Variants in DLGAP1 observed in about 807,000 individuals in gnomAD.
The protein encoded by DLGAP1 is DLG associated protein 1.
Under a neutral mutation model 90.8 loss-of-function variants are expected in DLGAP1, and 11 were observed. The observed-to-expected ratio is 0.12, with a 90% CI of 0.08 to 0.20. The LOEUF (loss-of-function observed/expected upper bound fraction) is 0.20, where lower values mean the gene tolerates loss of function less well. Among genes scored for constraint, DLGAP1 ranks in the 10% least tolerant of loss-of-function variants. DLGAP1 has a pLI of 1.00. For missense variants in DLGAP1, 1,050 were observed against 1,333.8 expected, an observed-to-expected ratio of 0.79 and a Z score of 3.31; for synonymous variants, 558 against 540.7, an observed-to-expected ratio of 1.03 and a Z score of -0.44.
chr18:3,819,796 T>C (rs1285564317), intron 4 of DLGAP1, among the ~76,000 whole-genome samples: 4 of 152,220 alleles, frequency 2.6e-5, no homozygotes, highest in Non-Finnish European at 4.4e-5. Context: ...TCTTTTGACA[T>C]GTCTTTTGGG....
rs139780710 is a variant in DLGAP1, at chr18:4,345,346, T to C, written c.-267+109660A>G. Among the ~76,000 whole-genome samples the C allele has an allele frequency of 1.3e-3, 200 of 152,276 alleles. 1 individual carries two copies. Among genetic ancestry groups the C allele is most frequent in the African/African-American group, 4.5e-3 (185 of 41,552 alleles). ...ATCCTGACTAGAGTAAAACTGGCAA[T>C]GTAATATCTTGGAACAGAAGACTTT... On this transcript the variant is annotated intron_variant, in intron 1 of 12. Coordinates refer to ENST00000315677, the MANE Select transcript of DLGAP1 (RefSeq NM_004746.4).
intron 9 of DLGAP1, among the ~76,000 whole-genome samples, chr18:3,538,654 G>A (rs1285798280): frequency 6.6e-6 from 1 of 152,132 alleles, no homozygotes; most frequent in Non-Finnish European, 1.5e-5. Flanking sequence ...TGGCTGTTCT[G>A]CTAACATGAA....
chr18:4,164,523 T>C (rs1206051295), intron 1 of DLGAP1, among the ~76,000 whole-genome samples: 5 of 151,800 alleles, frequency 3.3e-5, no homozygotes, highest in Non-Finnish European at 7.4e-5. Flanking sequence ...CTACTAAAAA[T>C]ACAAAAATTA....
chr18:4,433,022 C>G (rs949857709), intron 1 of DLGAP1, among the ~76,000 whole-genome samples: 1 of 152,162 alleles, frequency 6.6e-6, no homozygotes, highest in African/African-American at 2.4e-5. Context: ...TTTTCAGCAG[C>G]CACATAAAGT....
intron 2 of DLGAP1, among the ~76,000 whole-genome samples, chr18:4,077,774 T>C (rs1036358095): frequency 5.9e-5 from 9 of 152,204 alleles, no homozygotes; most frequent in Non-Finnish European, 1.2e-4. Flanking sequence ...GATTCCTTTA[T>C]AGCAACACCA....
chr18:3,813,977 T>C, intron 5 of DLGAP1, 82 bp downstream of exon 5: 1 of 1,401,546 alleles, frequency 7.1e-7, no homozygotes, highest in East Asian at 2.3e-5. Context: ...CTGCCCCACT[T>C]ACTCTAGGAG....
chr18:3,591,946 T>G (rs1227035034), intron 7 of DLGAP1, among the ~76,000 whole-genome samples: 1 of 152,122 alleles, frequency 6.6e-6, no homozygotes, highest in African/African-American at 2.4e-5. Flanking sequence ...CCCCTGGACC[T>G]GTTCAAGCAC....
intron 7 of DLGAP1, among the ~76,000 whole-genome samples, chr18:3,707,191 G>A (rs2061461194): frequency 6.6e-6 from 1 of 152,132 alleles, no homozygotes; most frequent in African/African-American, 2.4e-5. Flanking sequence ...ACTCTTGCAA[G>A]TTCTCTCATT....
chr18:4,269,542 G>A (rs2079220581), intron 1 of DLGAP1, among the ~76,000 whole-genome samples: 1 of 151,622 alleles, frequency 6.6e-6, no homozygotes, highest in Non-Finnish European at 1.5e-5. Context: ...TTTTAGTAGA[G>A]ACGGGGTTTC....
chr18:3,627,709 G>GCA (rs1418127868), intron 7 of DLGAP1, among the ~76,000 whole-genome samples: 1 of 152,020 alleles, frequency 6.6e-6, no homozygotes. Flanking sequence ...TGCCCAGGCT[G>GCA]CAGTGCAGTG....
chr18:3,981,203 G>A (rs1406682738), intron 3 of DLGAP1, among the ~76,000 whole-genome samples: 1 of 152,252 alleles, frequency 6.6e-6, no homozygotes, highest in African/African-American at 2.4e-5. Flanking sequence ...TTTTATTGAT[G>A]AGAACACTCA....
intron 9 of DLGAP1, among the ~76,000 whole-genome samples, chr18:3,536,429 G>A (rs2144544976): frequency 6.6e-6 from 1 of 151,932 alleles, no homozygotes; most frequent in Admixed American, 6.6e-5. Context: ...TTGCCAAGTT[G>A]GCCAGGCTGG....
At chr18:3,550,044 G>C (rs1166605052) in intron 9 of DLGAP1, among the ~76,000 whole-genome samples, 1 of 152,118 alleles carries the variant, frequency 6.6e-6, no homozygotes, top group African/African-American at 2.4e-5. Context: ...CTCCCAAGTA[G>C]CTGAGACTAC....
rs2074909587 is a variant in DLGAP1, at chr18:4,037,590, G to C, written c.-158-32389C>G. On this transcript the variant is annotated intron_variant, in intron 2 of 12. Transcript: ENST00000315677. ...CTGCGCCATGCCTTTTCTCTTTTGG[G>C]GGCTCTTCAGCAAAGACAAGTGTCC... Among the ~76,000 whole-genome samples, 2 of 152,086 alleles carry C rather than the reference G, an allele frequency of 1.3e-5. 1 individual carries two copies. The highest frequency in any genetic ancestry group is 4.1e-4 in the South Asian group (2 of 4,822).
intron 2 of DLGAP1, among the ~76,000 whole-genome samples, chr18:4,030,350 T>C (rs1004740700): frequency 6.6e-6 from 1 of 152,214 alleles, no homozygotes; most frequent in African/African-American, 2.4e-5. Context: ...GAAAATCATA[T>C]ATGGCAGATG....
chr18:3,557,835 A>G (rs1350857822), intron 9 of DLGAP1, among the ~76,000 whole-genome samples: 1 of 151,512 alleles, frequency 6.6e-6, no homozygotes, highest in African/African-American at 2.4e-5. Flanking sequence ...GCTGAGGCAA[A>G]AGAGCTGCTT....
intron 7 of DLGAP1, among the ~76,000 whole-genome samples, chr18:3,582,750 GGA>G (rs1007230024): frequency 2.0e-5 from 3 of 152,080 alleles, no homozygotes; most frequent in Non-Finnish European, 4.4e-5. Context: ...CTAATAACAA[GGA>G]CGAGGTGTCT....
At chr18:3,645,996 A>G (rs1474027833) in intron 7 of DLGAP1, among the ~76,000 whole-genome samples, 1 of 152,346 alleles carries the variant, frequency 6.6e-6, no homozygotes. Context: ...CAAATACTCT[A>G]TATGAGACTG....
chr18:3,595,184 G>A (rs1421104801), intron 7 of DLGAP1, among the ~76,000 whole-genome samples: 3 of 152,266 alleles, frequency 2.0e-5, no homozygotes, highest in South Asian at 2.1e-4. Context: ...ATTGAGAGGC[G>A]GGCACCCCTT....
Sources: gnomAD v4.1 joint callset for allele counts (sites outside exome capture counted in the v4.1 genomes callset) on GRCh38, gnomAD v4.1.1 for gene constraint, MANE v1.5 for transcripts, NCBI Gene and HGNC (gene_info 2026-07-23, HGNC 2026-07-21) for gene names.